GJA8: variants seen among roughly 807,000 people sequenced by gnomAD.
GJA8 encodes gap junction alpha-8 protein.
In GJA8, 13 loss-of-function variants were observed where a neutral mutation model predicts 15.3. The observed-to-expected ratio is 0.85, with a 90% CI of 0.55 to 1.35. The LOEUF (loss-of-function observed/expected upper bound fraction) is 1.35. GJA8 is among the 40% of genes most tolerant of loss of function. The probability of loss-of-function intolerance (pLI) is 0.00; values close to 1 mark genes in which losing one functional copy is unlikely to be tolerated. For synonymous variants in GJA8, 304 were observed against 238.7 expected (o/e 1.27, Z -2.52); for missense variants, 607 against 553.3 (o/e 1.10, Z -0.97).
downstream of GJA8, among the ~76,000 whole-genome samples, chr1:147,913,947 T>C (rs1553243781): frequency 6.6e-6 from 1 of 152,176 alleles, no homozygotes; most frequent in South Asian, 2.1e-4. Context: ...ATTATTGTAT[T>C]ATAACTAAAT....
chr1:147,907,926 T>A lies in GJA8; in HGVS notation c.-11-19T>A, dbSNP rs1349732338. On this transcript the variant is annotated intron_variant, in intron 1 of 1. Transcript: ENST00000369235. Reference sequence around the variant, plus strand: ...GCATTGCGGCCGCTCAGCTCTTGCCTTCTCCCTCATTTCTTCAGGTGGGTG... The same window carrying A: ...GCATTGCGGCCGCTCAGCTCTTGCCATCTCCCTCATTTCTTCAGGTGGGTG... 1 of 1,580,872 alleles carries A rather than the reference T, an allele frequency of 6.3e-7. No individual in the cohort carries two copies. Among genetic ancestry groups the A allele is most frequent in the Non-Finnish European group, 8.7e-7 (1 of 1,150,380 alleles).
In GJA8 at chr1:147,908,017, T is replaced by C. The variant is rs782078382; in HGVS notation, c.62T>C (p.Ile21Thr). The C allele has an allele frequency of 5.6e-6, 9 of 1,613,818 alleles. No homozygotes were observed. The Admixed American group carries it at 1.2e-4, about 21-fold the overall frequency. ...LEEVNEHSTV[I>T]GRVWLTVLFI... ...GAGGTGAATGAGCACTCCACCGTCATCGGCAGAGTCTGGCTCACCGTGCTT... is the reference window on the plus strand; with the variant it reads ...GAGGTGAATGAGCACTCCACCGTCACCGGCAGAGTCTGGCTCACCGTGCTT... The change falls in exon 2 of 2, where the codon ATC becomes ACC. Residue 21 changes from isoleucine to threonine, a missense_variant. Coordinates refer to ENST00000369235, the MANE Select transcript of GJA8 (RefSeq NM_005267.5).
Position 147,908,400 on chromosome 1 carries a change from A to T in GJA8, c.445A>T (p.Arg149Trp). Residue 149 changes from arginine (R) to tryptophan (W), a missense_variant, in exon 2 of 2, where the codon AGG (arginine) becomes TGG (tryptophan). Transcript: ENST00000369235. ...KKFRLEGTLL[R>W]TYICHIIFKT... is the part of the protein sequence containing the mutation. Reference sequence around the variant, plus strand: ...GTTCCGGCTGGAGGGGACCCTGCTGAGGACCTACATCTGCCACATCATCTT... The same window carrying T: ...GTTCCGGCTGGAGGGGACCCTGCTGTGGACCTACATCTGCCACATCATCTT... The T allele has an allele frequency of 6.2e-7, 1 of 1,614,194 alleles. No homozygotes were observed. The highest frequency in any genetic ancestry group is 8.5e-7 in the Non-Finnish European group (1 of 1,180,034).
At chr1:147,914,269 C>T (rs1195520860), downstream of GJA8, among the ~76,000 whole-genome samples, 1 of 152,064 alleles carries the variant, frequency 6.6e-6, no homozygotes, top group African/African-American at 2.4e-5. Flanking sequence ...ACCCCATGGC[C>T]TTTTTCTGCA....
rs781948431 is a variant in GJA8 at position 147,909,179 on chromosome 1, G to A, written c.1224G>A (p.Leu408=). The change falls in exon 2 of 2, where the codon CTG becomes CTA. Residue 408 remains leucine (L), a synonymous_variant. Coordinates refer to ENST00000369235, the MANE Select transcript of GJA8 (RefSeq NM_005267.5). The part of the protein sequence containing the change: ...AEKTPSLCPE[L]TTDDARPLSR... Reference sequence around the variant, plus strand: ...AGACACCTTCACTCTGTCCAGAGCTGACAACAGATGATGCCAGACCCCTGA... The same window carrying A: ...AGACACCTTCACTCTGTCCAGAGCTAACAACAGATGATGCCAGACCCCTGA... 14 of 1,577,508 alleles carry A rather than the reference G, an allele frequency of 8.9e-6. No homozygotes were observed. The highest frequency in any genetic ancestry group is 1.4e-5 in the African/African-American group (1 of 73,788).
At chr1:147,913,645 G>T (rs782341415), downstream of GJA8, among the ~76,000 whole-genome samples, 1 of 152,272 alleles carries the variant, frequency 6.6e-6, no homozygotes, top group South Asian at 2.1e-4. Context: ...CTCCTCTCCA[G>T]TTCCCGAGAA....
intron 1 of GJA8, among the ~76,000 whole-genome samples, chr1:147,903,458 G>A (rs1346941340): frequency 6.6e-6 from 1 of 152,174 alleles, no homozygotes; most frequent in African/African-American, 2.4e-5. Flanking sequence ...CAACCAGAGT[G>A]GTAAGTGGCC....
At chr1:147,913,818 G>A (rs1210432073), downstream of GJA8, among the ~76,000 whole-genome samples, 7 of 152,294 alleles carry the variant, frequency 4.6e-5, no homozygotes, top group East Asian at 1.4e-3. Context: ...AAGTTTAGAT[G>A]AGAAAGGTTT....
intron 1 of GJA8, among the ~76,000 whole-genome samples, 145 bp downstream of exon 1, chr1:147,903,006 C>T (rs782247900): frequency 2.0e-4 from 31 of 152,152 alleles, no homozygotes; most frequent in Non-Finnish European, 3.7e-4. Context: ...GCTAGACTTA[C>T]ACTCCAACTC....
At chr1:147,903,554 C>T (rs1023962593) in intron 1 of GJA8, among the ~76,000 whole-genome samples, 6 of 152,158 alleles carry the variant, frequency 3.9e-5, no homozygotes, top group African/African-American at 1.4e-4. Flanking sequence ...CTGTAATGGG[C>T]TTAGATCTAG....
rs1553243018 is a variant in GJA8 at position 147,909,101 on chromosome 1, A to T, written c.1146A>T (p.Glu382Asp). 6.2e-7 allele frequency: 1 copy of T among 1,613,328 alleles called. No homozygotes were observed. Among genetic ancestry groups the T allele is most frequent in the Admixed American group, 1.7e-5 (1 of 59,878 alleles). ...CCCCCGGAGTGGATAAGGAGGGTGA[A>T]AAAGAAGAGCCGCAGTCGGAGAAGG... ...VETPGVDKEGEKEEPQSEKVS... is the reference protein window; with the variant it reads ...VETPGVDKEGDKEEPQSEKVS... Residue 382 changes from glutamate (E) to aspartate (D), a missense_variant, in exon 2 of 2, where the codon GAA becomes GAT. Physicochemically the swap from Glu to Asp is conservative, Grantham distance 45. Transcript: ENST00000369235.
At position 147,908,265 on chromosome 1, in the gene GJA8, G is replaced by A; in HGVS notation, c.310G>A (p.Glu104Lys). 3 of 1,614,218 alleles carry A rather than the reference G, an allele frequency of 1.9e-6. No homozygotes were observed. The highest frequency in any genetic ancestry group is 1.7e-6 in the Non-Finnish European group (2 of 1,180,022). ...CGCGGTGCACTACGTCCGCATGGAGGAGAAGCGCAAAAGCCGCGAGGCGGA... is the reference window on the plus strand; with the variant it reads ...CGCGGTGCACTACGTCCGCATGGAGAAGAAGCGCAAAAGCCGCGAGGCGGA... ...GHAVHYVRME[E>K]KRKSREAEEL... The change falls in exon 2 of 2, where the codon GAG (glutamate) becomes AAG (lysine). Residue 104 changes from glutamate (E) to lysine (K), a missense_variant. Physicochemically the swap from Glu to Lys is moderately conservative, Grantham distance 56. Coordinates refer to ENST00000369235, the MANE Select transcript of GJA8 (RefSeq NM_005267.5).
chr1:147,911,129 A>G (rs189151908), downstream of GJA8, among the ~76,000 whole-genome samples: 169 of 152,302 alleles, frequency 1.1e-3, no homozygotes, highest in African/African-American at 3.8e-3. Flanking sequence ...CCAAGTTGAC[A>G]TAGCAGGGAC....
At chr1:147,913,066 G>T (rs1311194831), downstream of GJA8, among the ~76,000 whole-genome samples, 1 of 152,094 alleles carries the variant, frequency 6.6e-6, no homozygotes, top group African/African-American at 2.4e-5. Flanking sequence ...CAAGTCAGGG[G>T]TGTTGATTGC....
rs1553242938 is a variant in GJA8 at position 147,908,960 on chromosome 1, G to A, written c.1005G>A (p.Gly335=). Residue 335 remains glycine, a synonymous_variant, in exon 2 of 2, where the codon GGG becomes GGA. Transcript: ENST00000369235. The part of the protein sequence containing the change: ...QVGAQEVEGE[G]PPAEEGAEPE... ...GGGCACAAGAAGTGGAGGGCGAGGG[G>A]CCGCCTGCAGAGGAGGGAGCCGAAC... 6.2e-7 allele frequency: 1 copy of A among 1,603,540 alleles called. No homozygotes were observed.
rs1462990860 is a variant in GJA8 at position 147,908,266 on chromosome 1, A to G, written c.311A>G (p.Glu104Gly). ...GHAVHYVRME[E>G]KRKSREAEEL... is the part of the protein sequence containing the mutation. ...GCGGTGCACTACGTCCGCATGGAGG[A>G]GAAGCGCAAAAGCCGCGAGGCGGAG... is the stretch of plus-strand genomic sequence containing the variant. Residue 104 changes from glutamate (E) to glycine (G), a missense_variant, in exon 2 of 2, where the codon GAG (glutamate) becomes GGG (glycine). By Grantham distance (98) the Glu-to-Gly change is moderately conservative. Coordinates refer to ENST00000369235, the MANE Select transcript of GJA8 (RefSeq NM_005267.5). 1 of 1,614,084 alleles carries G rather than the reference A, an allele frequency of 6.2e-7. No homozygotes were observed. Among genetic ancestry groups the G allele is most frequent in the Non-Finnish European group, 8.5e-7 (1 of 1,179,992 alleles).
chr1:147,912,060 T>C (rs1652183169), downstream of GJA8, among the ~76,000 whole-genome samples: 1 of 152,206 alleles, frequency 6.6e-6, no homozygotes, highest in South Asian at 2.1e-4. Context: ...TTTTTTCTAT[T>C]TCTGCCATTT....
In GJA8 at chr1:147,908,681, G is replaced by C. The variant is rs1553242805; in HGVS notation, c.726G>C (p.Gln242His). 1 of 1,614,056 alleles carries C rather than the reference G, an allele frequency of 6.2e-7. No homozygotes were observed. The highest frequency in any genetic ancestry group is 1.3e-5 in the African/African-American group (1 of 74,936). Residue 242 changes from glutamine (Q) to histidine (H), a missense_variant, in exon 2 of 2, where the codon CAG becomes CAC. Transcript: ENST00000369235. ...IRSALKRPVE[Q>H]PLGEIPEKSL... ...CTGCCTTGAAGAGGCCTGTAGAGCA[G>C]CCCCTGGGGGAGATTCCTGAGAAAT...
chr1:147,908,904 C>A lies in GJA8; in HGVS notation c.949C>A (p.Gln317Lys). The change falls in exon 2 of 2, where the codon CAA becomes AAA. Residue 317 changes from glutamine to lysine, a missense_variant. Physicochemically the swap from Gln to Lys is moderately conservative, Grantham distance 53 (BLOSUM62 1). Coordinates refer to ENST00000369235, the MANE Select transcript of GJA8 (RefSeq NM_005267.5). ...CCTGGGGGACTTGTCCCGGGGCTAC[C>A]AAGAGACACTGCCTTCCTACGCTCA... ...GPLGDLSRGY[Q>K]ETLPSYAQVG... 6.2e-7 allele frequency: 1 copy of A among 1,613,556 alleles called. No homozygotes were observed.
Sources: allele counts gnomAD v4.1 joint callset (sites outside exome capture counted in the v4.1 genomes callset), GRCh38; gene constraint gnomAD v4.1.1; transcripts MANE v1.5; gene names NCBI Gene and HGNC (gene_info 2026-07-23, HGNC 2026-07-21).